Variants in TOX observed in about 807,000 individuals in gnomAD.
TOX encodes thymocyte selection-associated high mobility group box protein TOX.
Under a neutral mutation model 53.7 loss-of-function variants are expected in TOX, and 11 were observed. The observed-to-expected ratio is 0.20, with a 90% CI of 0.13 to 0.34. TOX has a LOEUF of 0.34. TOX is among the 10% of genes least tolerant of loss of function. The probability of loss-of-function intolerance (pLI) is 1.00; values close to 1 mark genes in which losing one functional copy is unlikely to be tolerated. For synonymous variants in TOX, 225 were observed against 245.3 expected (o/e 0.92, Z 0.77); for missense variants, 570 against 664.6 (o/e 0.86, Z 1.56).
chr8:59,010,361 A>C (rs2129418675), intron 1 of TOX, among the ~76,000 whole-genome samples: 1 of 152,368 alleles, frequency 6.6e-6, no homozygotes, highest in African/African-American at 2.4e-5. Context: ...AACCATTATG[A>C]AAGAATTTAA....
chr8:58,962,719 C>G (rs973616543), intron 1 of TOX, among the ~76,000 whole-genome samples: 4 of 152,104 alleles, frequency 2.6e-5, no homozygotes, highest in African/African-American at 9.7e-5. Context: ...GGTGGGAGGA[C>G]TGCTTGAGCC....
chr8:59,045,569 G>T (rs1803666898), intron 1 of TOX, among the ~76,000 whole-genome samples: 1 of 152,132 alleles, frequency 6.6e-6, no homozygotes, highest in South Asian at 2.1e-4. Flanking sequence ...GTAGAATACA[G>T]CAAGGTCACG....
At chr8:59,079,119 G>T (rs2129423053) in intron 1 of TOX, among the ~76,000 whole-genome samples, 1 of 152,288 alleles carries the variant, frequency 6.6e-6, no homozygotes, top group Middle Eastern at 3.4e-3. Flanking sequence ...GCTCAGATGT[G>T]GGTGCAAAGG....
At chr8:58,866,481 C>T (rs1811103934) in intron 3 of TOX, among the ~76,000 whole-genome samples, 1 of 152,196 alleles carries the variant, frequency 6.6e-6, no homozygotes, top group African/African-American at 2.4e-5. Context: ...ATAGAAACAG[C>T]TGCTATGTAA....
intron 1 of TOX, among the ~76,000 whole-genome samples, chr8:59,007,487 GA>G (rs373186716): frequency 8.6e-5 from 13 of 151,446 alleles, no homozygotes; most frequent in Non-Finnish European, 1.5e-4. Flanking sequence ...CCTATTTTCA[GA>G]AAAAAAATAT....
intron 3 of TOX, among the ~76,000 whole-genome samples, chr8:58,913,783 T>TA (rs1057170285): frequency 2.2e-5 from 2 of 88,912 alleles, no homozygotes; most frequent in Non-Finnish European, 5.3e-5. Context: ...TGTAAAAGTC[T>TA]AAAAAATATT....
chr8:59,054,268 G>T (rs1803844414), intron 1 of TOX, among the ~76,000 whole-genome samples: 1 of 152,298 alleles, frequency 6.6e-6, no homozygotes, highest in Non-Finnish European at 1.5e-5. Context: ...TGAGCACAGA[G>T]GTCATTAGCA....
intron 1 of TOX, among the ~76,000 whole-genome samples, chr8:58,988,627 T>C (rs892177566): frequency 7.2e-5 from 11 of 152,240 alleles, no homozygotes; most frequent in Admixed American, 5.9e-4. Context: ...AGAGTTATTC[T>C]GATAAAATGG....
chr8:58,912,063 A>G (rs1811918849), intron 3 of TOX, among the ~76,000 whole-genome samples: 1 of 152,174 alleles, frequency 6.6e-6, no homozygotes, highest in Non-Finnish European at 1.5e-5. Flanking sequence ...ATGAAAATGG[A>G]GTTTTGGTGT....
chr8:59,099,033 C>T (rs1288181750), intron 1 of TOX, among the ~76,000 whole-genome samples: 1 of 152,148 alleles, frequency 6.6e-6, no homozygotes, highest in Non-Finnish European at 1.5e-5. Context: ...CCTTGCTGTA[C>T]TTTTTAGTTG....
Position 58,943,658 on chromosome 8 carries a change from G to A in TOX, c.169-4114C>T, listed in dbSNP as rs1405333242. Among the ~76,000 whole-genome samples, 3 of 149,990 alleles carry A rather than the reference G, an allele frequency of 2.0e-5. No individual in the cohort carries two copies. In the East Asian group the frequency reaches 5.9e-4, roughly 29 times the overall value. On this transcript the variant is annotated intron_variant, in intron 2 of 8. Transcript: ENST00000361421. Reference sequence around the variant, plus strand: ...AACAAATTAGAGGCCACCAAGGAGTGAATCACATGTCCTTGGAAGTCCTAT... The same window carrying A: ...AACAAATTAGAGGCCACCAAGGAGTAAATCACATGTCCTTGGAAGTCCTAT...
intron 1 of TOX, among the ~76,000 whole-genome samples, chr8:59,103,133 G>A (rs553207725): frequency 1.3e-5 from 2 of 152,214 alleles, no homozygotes; most frequent in Non-Finnish European, 2.9e-5. Flanking sequence ...AAAGCATAAC[G>A]TAGGTCGGCC....
intron 1 of TOX, among the ~76,000 whole-genome samples, chr8:59,055,335 C>T (rs889295569): frequency 6.6e-6 from 1 of 152,134 alleles, no homozygotes; most frequent in Non-Finnish European, 1.5e-5. Context: ...TCTACCTGCT[C>T]CCCTCAAAGG....
chr8:58,902,610 A>G (rs1216028030), intron 3 of TOX, among the ~76,000 whole-genome samples: 3 of 152,222 alleles, frequency 2.0e-5, no homozygotes, highest in Admixed American at 6.5e-5. Context: ...GATGAATCTT[A>G]TAAGTTTTCT....
At chr8:58,900,052 T>C (rs1227299823) in intron 3 of TOX, among the ~76,000 whole-genome samples, 2 of 152,094 alleles carry the variant, frequency 1.3e-5, no homozygotes, top group Admixed American at 1.3e-4. Flanking sequence ...AGATGGGTAA[T>C]TATTCTGTAT....
intron 3 of TOX, among the ~76,000 whole-genome samples, chr8:58,873,634 T>C (rs1411899111): frequency 2.0e-5 from 3 of 152,148 alleles, no homozygotes; most frequent in African/African-American, 4.8e-5. Flanking sequence ...CAATCTCATG[T>C]GTGTCAATCA....
intron 1 of TOX, among the ~76,000 whole-genome samples, chr8:59,110,378 T>C (rs1209142873): frequency 1.4e-5 from 2 of 145,534 alleles, no homozygotes; most frequent in South Asian, 2.1e-4. Flanking sequence ...AAAGGAAGCA[T>C]CGGTGTTTTT....
rs1212390551 is a variant in TOX at position 59,009,135 on chromosome 8, C to T, written c.103-49127G>A. ...CATCCTACTTTCTTCTCTCCCTTCT[C>T]CTTCTTTCCTTTCTACTTTTTTTCC... On this transcript the variant is annotated intron_variant, in intron 1 of 8. Transcript: ENST00000361421. Among the ~76,000 whole-genome samples, 3 of 151,532 alleles carry T rather than the reference C, an allele frequency of 2.0e-5. No homozygotes were observed. In the East Asian group the frequency reaches 5.8e-4, roughly 29 times the overall value.
chr8:59,110,737 CG>C (rs377523262), intron 1 of TOX, among the ~76,000 whole-genome samples: 2 of 151,614 alleles, frequency 1.3e-5, no homozygotes, highest in Admixed American at 6.6e-5. Context: ...AGAGGCCCCC[CG>C]GGGGGCCTAT....
Sources: allele counts gnomAD v4.1 joint callset (sites outside exome capture counted in the v4.1 genomes callset), GRCh38; gene constraint gnomAD v4.1.1; transcripts MANE v1.5; gene names NCBI Gene and HGNC (gene_info 2026-07-23, HGNC 2026-07-21).